Variants in FMN2 observed in about 807,000 individuals in gnomAD.
The protein encoded by FMN2 is formin-2.
In FMN2, 51 loss-of-function variants were observed where a neutral mutation model predicts 142.3. That is an observed-to-expected ratio of 0.36 (90% CI 0.29 to 0.45). The LOEUF is 0.45. Among genes scored for constraint, FMN2 ranks in the 20% least tolerant of loss-of-function variants. The pLI is 1.00. For synonymous variants in FMN2, 882 were observed against 869.8 expected (o/e 1.01, Z -0.25); for missense variants, 1,936 against 2,122.8 (o/e 0.91, Z 1.73).
intron 6 of FMN2, among the ~76,000 whole-genome samples, chr1:240,214,132 A>G (rs1233336017): frequency 6.6e-6 from 1 of 152,246 alleles, no homozygotes; most frequent in Non-Finnish European, 1.5e-5. Context: ...TTAGCTGAGA[A>G]GGTACATAGA....
At chr1:240,216,725 A>G (rs1666910489) in intron 6 of FMN2, among the ~76,000 whole-genome samples, 1 of 152,176 alleles carries the variant, frequency 6.6e-6, no homozygotes, top group South Asian at 2.1e-4. Context: ...ACTTTTTAAA[A>G]ATGTTCGAGG....
chr1:240,180,576 T>C (rs918787209), intron 3 of FMN2, among the ~76,000 whole-genome samples: 23 of 150,562 alleles, frequency 1.5e-4, no homozygotes, highest in Non-Finnish European at 3.0e-4. Flanking sequence ...CTTTTTTTTT[T>C]TTTTTTTTTT....
At chr1:240,350,203 G>A (rs1672044596) in intron 13 of FMN2, among the ~76,000 whole-genome samples, 1 of 152,098 alleles carries the variant, frequency 6.6e-6, no homozygotes, top group Non-Finnish European at 1.5e-5. Flanking sequence ...TATCCAACAG[G>A]CTCTTCCTTC....
At chr1:240,146,326 G>A (rs1286953385) in intron 2 of FMN2, among the ~76,000 whole-genome samples, 11 of 151,162 alleles carry the variant, frequency 7.3e-5, no homozygotes, top group Admixed American at 2.6e-4. Flanking sequence ...CCCAGGAGGC[G>A]GAGGTTGCAG....
chr1:240,423,437 ATGT>A (rs1309150965), intron 15 of FMN2, among the ~76,000 whole-genome samples: 1 of 152,190 alleles, frequency 6.6e-6, no homozygotes, highest in African/African-American at 2.4e-5. Context: ...ATTTATGATG[ATGT>A]TCCTTTGCAG....
chr1:240,432,019 A>G (rs181746206), intron 15 of FMN2, among the ~76,000 whole-genome samples: 11 of 151,638 alleles, frequency 7.3e-5, no homozygotes, highest in Non-Finnish European at 1.2e-4. Context: ...ACCCTCTTCT[A>G]TTTTCTGGAT....
At chr1:240,409,821 A>T (rs1674337227) in intron 15 of FMN2, among the ~76,000 whole-genome samples, 1 of 152,244 alleles carries the variant, frequency 6.6e-6, no homozygotes, top group Non-Finnish European at 1.5e-5. Context: ...ATAGTCAGCA[A>T]ATATTACATG....
chr1:240,295,531 G>C (rs1669942438), intron 8 of FMN2, among the ~76,000 whole-genome samples: 1 of 148,074 alleles, frequency 6.8e-6, no homozygotes, highest in African/African-American at 2.5e-5. Context: ...GTCTTTCTGT[G>C]TCTAGCTTAT....
At chr1:240,286,053 A>G (rs953067451) in intron 7 of FMN2, among the ~76,000 whole-genome samples, 2 of 151,786 alleles carry the variant, frequency 1.3e-5, no homozygotes, top group African/African-American at 4.8e-5. Context: ...TCAGTGTAGC[A>G]TTTTCGGTGT....
intron 15 of FMN2, among the ~76,000 whole-genome samples, chr1:240,431,399 GTT>G (rs1218376145): frequency 1.6e-5 from 1 of 61,354 alleles, no homozygotes; most frequent in African/African-American, 6.2e-5. Context: ...ATACAACCAT[GTT>G]TTATATATAT....
intron 3 of FMN2, among the ~76,000 whole-genome samples, chr1:240,179,142 T>G (rs1323795235): frequency 6.6e-6 from 1 of 152,182 alleles, no homozygotes; most frequent in Non-Finnish European, 1.5e-5. Context: ...TAGGCATTTA[T>G]ATGAAGCATT....
chr1:240,364,857 C>T (rs2103060081), intron 14 of FMN2, among the ~76,000 whole-genome samples: 1 of 152,348 alleles, frequency 6.6e-6, no homozygotes, highest in East Asian at 1.9e-4. Flanking sequence ...GTCAATTCAA[C>T]ACAAGCATCT....
At chr1:240,200,189 G>C (rs1666074473) in intron 4 of FMN2, among the ~76,000 whole-genome samples, 1 of 152,172 alleles carries the variant, frequency 6.6e-6, no homozygotes, top group South Asian at 2.1e-4. Context: ...TTAAATCTAG[G>C]CTGTGTGGGA....
At chr1:240,357,138 T>A (rs184970038) in intron 14 of FMN2, among the ~76,000 whole-genome samples, 131 of 152,322 alleles carry the variant, frequency 8.6e-4, no homozygotes, top group African/African-American at 2.7e-3. Context: ...GCACATTTTT[T>A]AAAAATGTAA....
At chr1:240,136,428 A>C (rs555511796) in intron 2 of FMN2, among the ~76,000 whole-genome samples, 85 of 152,350 alleles carry the variant, frequency 5.6e-4, no homozygotes, top group African/African-American at 1.9e-3. Context: ...TAGATTTTTA[A>C]AAAACACACT....
intron 2 of FMN2, chr1:240,145,245 C>T (rs914345895): frequency 1.3e-6 from 2 of 1,482,428 alleles, no homozygotes; most frequent in Admixed American, 1.8e-5. Context: ...TCAGACAGCT[C>T]CTGTTCTTTG....
intron 2 of FMN2, among the ~76,000 whole-genome samples, chr1:240,136,800 C>T (rs147195490): frequency 1.3e-3 from 193 of 152,056 alleles, no homozygotes; most frequent in Non-Finnish European, 1.8e-3. Flanking sequence ...TGGCCTGGTG[C>T]GGTGGCTCAC....
chr1:240,431,370 T>G (rs116261592), intron 15 of FMN2, among the ~76,000 whole-genome samples: 4,470 of 148,806 alleles, frequency 0.03, 211 homozygotes, highest in African/African-American at 0.11. Flanking sequence ...GTTTGTAAAC[T>G]CCATAGTGTT....
intron 15 of FMN2, among the ~76,000 whole-genome samples, chr1:240,406,074 T>TG (rs1260442237): frequency 2.5e-5 from 2 of 79,506 alleles, no homozygotes; most frequent in Non-Finnish European, 4.6e-5. Context: ...GCCTCAGGAG[T>TG]GGGGGGAGCG....
Sources: allele counts gnomAD v4.1 joint callset (sites outside exome capture counted in the v4.1 genomes callset), GRCh38; gene constraint gnomAD v4.1.1; transcripts MANE v1.5; gene names NCBI Gene and HGNC (gene_info 2026-07-23, HGNC 2026-07-21).